USP40: variants seen among roughly 807,000 people sequenced by gnomAD.
USP40 encodes ubiquitin carboxyl-terminal hydrolase 40.
Under a neutral mutation model 166.2 loss-of-function variants are expected in USP40, and 143 were observed. That is an observed-to-expected ratio of 0.86 (90% CI 0.75 to 0.99). The LOEUF (loss-of-function observed/expected upper bound fraction) is 0.99, where lower values mean the gene tolerates loss of function less well. Ranked by LOEUF, USP40 falls within the 50% of genes least tolerant of loss-of-function variation. USP40 has a pLI of 0.00. For missense variants in USP40, 1,444 were observed against 1,479.7 expected (o/e 0.98, Z 0.40); for synonymous variants, 498 against 524.0 (o/e 0.95, Z 0.68).
Position 233,540,744 on chromosome 2 carries a change from T to C in USP40, c.1088A>G (p.Asp363Gly). Residue 363 changes from aspartate to glycine, a missense_variant, in exon 10 of 32, where the codon GAT becomes GGT. Transcript: ENST00000678225. Reference sequence around the variant, plus strand: ...TTTCAAAAGTTTCTGGCCCAGCTGATCAACAGGAATTAGATTATTCTCCTC... The same window carrying C: ...TTTCAAAAGTTTCTGGCCCAGCTGACCAACAGGAATTAGATTATTCTCCTC... The part of the protein sequence containing the change: ...LEEENNLIPV[D>G]QLGQKLLKKI... 6.2e-7 allele frequency: 1 copy of C among 1,613,410 alleles called. No homozygotes were observed. The highest frequency in any genetic ancestry group is 8.5e-7 in the Non-Finnish European group (1 of 1,179,574).
chr2:233,528,376 G>GA (rs2068222302), intron 12 of USP40, among the ~76,000 whole-genome samples: 2 of 152,108 alleles, frequency 1.3e-5, no homozygotes, highest in Admixed American at 1.3e-4. Context: ...GCTCTTCTCT[G>GA]AATCCACTTG....
At chr2:233,533,455 A>C (rs1575306331) in intron 11 of USP40, 24 bp downstream of exon 11, 2 of 1,595,504 alleles carry the variant, frequency 1.3e-6, no homozygotes, top group East Asian at 4.5e-5. Context: ...ACTGAAACAA[A>C]TAGGAACATT....
At position 233,549,229 on chromosome 2, in the gene USP40, T is replaced by G; in HGVS notation, c.838A>C (p.Ser280Arg). 7.2e-7 allele frequency: 1 copy of G among 1,390,928 alleles called. No individual in the cohort carries two copies. The highest frequency in any genetic ancestry group is 9.7e-7 in the Non-Finnish European group (1 of 1,026,008). The allele number at this position is 1,390,928 out of a possible 1,614,324, so 86.2% of individuals were successfully genotyped here. A position where few individuals can be genotyped will look rare whatever the true frequency, so the allele number is the denominator to read the frequency against. The change falls in exon 8 of 32, where the codon AGT becomes CGT. Residue 280 changes from serine to arginine, a missense_variant and splice_region_variant. By Grantham distance (110) the Ser-to-Arg change is moderately radical. Transcript: ENST00000678225. ...ATATATTCTAAGTCATCCAATTCAC[T>G]CTAAAAGAAAAAAGAACAAAAATAT... ...RINLKPFCEQ[S>R]ELDDLEYIYD...
At chr2:233,522,955 TCAC>T (rs968861521) in intron 16 of USP40, among the ~76,000 whole-genome samples, 1 of 152,240 alleles carries the variant, frequency 6.6e-6, no homozygotes, top group Non-Finnish European at 1.5e-5. Flanking sequence ...TATTATTTTC[TCAC>T]CACATTTACC....
chr2:233,481,196 C>T lies in USP40; in HGVS notation c.3599+7G>A. The T allele has an allele frequency of 1.3e-6, 2 of 1,597,496 alleles. No individual in the cohort carries two copies. The highest frequency in any genetic ancestry group is 1.7e-4 in the Middle Eastern group (1 of 6,038). On this transcript the variant is annotated splice_region_variant and intron_variant, in intron 31 of 31. Coordinates refer to ENST00000678225, the MANE Select transcript of USP40 (RefSeq NM_001365479.2). ...AGCTGCACATCTGTGCAGACCCCAG[C>T]AATTACCTTTTCCTTCTCCCCAGGG...
At chr2:233,517,173 G>A (rs6431482) in intron 18 of USP40, among the ~76,000 whole-genome samples, 2,777 of 152,180 alleles carry the variant, frequency 0.018, 82 homozygotes, top group African/African-American at 0.063. Flanking sequence ...TCAGTAGAAT[G>A]GCCATGTTGG....
At chr2:233,529,814 C>CTTTTTCTTTTTCTTTTTT (rs776660309) in intron 11 of USP40, among the ~76,000 whole-genome samples, 8 of 133,948 alleles carry the variant, frequency 6.0e-5, no homozygotes, top group African/African-American at 2.0e-4. Context: ...TTTTCTTTTT[C>CTTTTTCTTTTTCTTTTTT]TTTTTTTTTT....
chr2:233,486,028 C>G lies in USP40; in HGVS notation c.3198-51G>C. On this transcript the variant is annotated intron_variant, in intron 28 of 31. Transcript: ENST00000678225. The surrounding 1 kb of genome is among the most constrained non-coding windows in gnomAD (Gnocchi z 4.0). ...AGATCCAAACAAACAAACAAAACCA[C>G]GTGGTAACTTGAGGCATAATGGGCA... The G allele has an allele frequency of 6.6e-7, 1 of 1,520,322 alleles. No individual in the cohort carries two copies. The highest frequency in any genetic ancestry group is 8.8e-7 in the Non-Finnish European group (1 of 1,137,776). 94.2% of individuals were successfully genotyped at this position (1,520,322 alleles called of 1,614,324 possible).
Position 233,507,284 on chromosome 2 carries a change from CAT to C in USP40, c.2613+2763_2613+2764del, listed in dbSNP as rs1240215217. Among the ~76,000 whole-genome samples, 6 of 152,248 alleles carry C rather than the reference CAT, an allele frequency of 3.9e-5. No individual in the cohort carries two copies. The East Asian group carries it at 1.2e-3, about 29-fold the overall frequency. On this transcript the variant is annotated intron_variant, in intron 21 of 31. Transcript: ENST00000678225. ...TACAGATGTTCCTCACAAAAATAAACATAGAACTATCATGTGATTCACCAATC... is the reference window on the plus strand; with the variant it reads ...TACAGATGTTCCTCACAAAAATAAACAGAACTATCATGTGATTCACCAATC...
intron 5 of USP40, 140 bp downstream of exon 5, chr2:233,556,715 G>A: frequency 1.4e-6 from 1 of 695,760 alleles, no homozygotes; most frequent in South Asian, 3.5e-5. Flanking sequence ...TGATTTAGGT[G>A]TAGTTAGAAG....
intron 4 of USP40, among the ~76,000 whole-genome samples, chr2:233,559,056 T>TGACAG (rs2071347886): frequency 6.6e-6 from 1 of 152,238 alleles, no homozygotes; most frequent in Admixed American, 6.5e-5. Flanking sequence ...TATACCTGTC[T>TGACAG]TTGCAGGATT....
Position 233,533,496 on chromosome 2 carries a change from A to G in USP40, c.1454T>C (p.Leu485Ser), listed in dbSNP as rs776609741. 4.3e-6 allele frequency: 7 copies of G among 1,613,506 alleles called. No individual in the cohort carries two copies. Among genetic ancestry groups the G allele is most frequent in the Non-Finnish European group, 5.9e-6 (7 of 1,179,530 alleles). The change falls in exon 11 of 32, where the codon TTG becomes TCG. Residue 485 changes from leucine (L) to serine (S), a missense_variant. By Grantham distance (145) the Leu-to-Ser change is moderately radical. Transcript: ENST00000678225. ...TTCCATACCTTCAGGGGGTCTCTGC[A>G]ACTGGGATTTCCGATAAAACAACAT... is the stretch of plus-strand genomic sequence containing the variant. ...AYMLFYRKSQLQRPPEARANP... is the reference protein window; with the variant it reads ...AYMLFYRKSQSQRPPEARANP...
At chr2:233,547,626 G>A (rs888793213) in intron 8 of USP40, among the ~76,000 whole-genome samples, 1 of 152,178 alleles carries the variant, frequency 6.6e-6, no homozygotes, top group Non-Finnish European at 1.5e-5. Context: ...ACTGTGTCTG[G>A]GGTTGATGTG....
intron 23 of USP40, 102 bp from the exon 24 acceptor site, chr2:233,496,934 A>C: frequency 2.6e-6 from 2 of 777,336 alleles, no homozygotes; most frequent in South Asian, 3.7e-5. Context: ...TCAAAAATTA[A>C]ATGAATAATA....
rs186606579 is a variant in USP40 at position 233,529,483 on chromosome 2, A to G, written c.1501T>C (p.Cys501Arg). 85 of 1,585,486 alleles carry G rather than the reference A, an allele frequency of 5.4e-5. No individual in the cohort carries two copies. The African/African-American group carries it at 9.8e-4, about 18-fold the overall frequency. Reference protein sequence around the residue: ...ARANPRYGVPCHLLNEMDAAN... With the variant: ...ARANPRYGVPRHLLNEMDAAN... ...GCATCCATTTCATTCAGTAAATGACATGGAACCCCATATCTTGGATTAGCT... is the reference window on the plus strand; with the variant it reads ...GCATCCATTTCATTCAGTAAATGACGTGGAACCCCATATCTTGGATTAGCT... Residue 501 changes from cysteine to arginine, a missense_variant, in exon 12 of 32, where the codon TGT becomes CGT. Cys to Arg is a radical substitution (Grantham distance 180). Transcript: ENST00000678225.
At position 233,523,463 on chromosome 2, in the gene USP40, A is replaced by T. The variant is rs374074241; in HGVS notation, c.1908T>A (p.Gly636=). The part of the protein sequence containing the change: ...VEVGGVHIQT[G]IDCEPLLLNV... ...TTAAAAGTAGAGGTTCGCAGTCAATACCAGTTTGAATGTGGACTCCACCAA... is the reference window on the plus strand; with the variant it reads ...TTAAAAGTAGAGGTTCGCAGTCAATTCCAGTTTGAATGTGGACTCCACCAA... The change falls in exon 16 of 32, where the codon GGT becomes GGA. Residue 636 remains glycine (G), a synonymous_variant. Transcript: ENST00000678225. The T allele has an allele frequency of 1.4e-5, 23 of 1,613,642 alleles. No individual in the cohort carries two copies. The highest frequency in any genetic ancestry group is 1.7e-5 in the Non-Finnish European group (20 of 1,179,736).
chr2:233,511,201 T>G (rs980497211), intron 20 of USP40, among the ~76,000 whole-genome samples: 4 of 152,150 alleles, frequency 2.6e-5, no homozygotes, highest in Non-Finnish European at 5.9e-5. Flanking sequence ...ATACTGAAAA[T>G]GGACACTGTT....
chr2:233,556,986 G>C lies in USP40; in HGVS notation c.415C>G (p.Arg139Gly). 5 of 1,613,592 alleles carry C rather than the reference G, an allele frequency of 3.1e-6. No individual in the cohort carries two copies. Among genetic ancestry groups the C allele is most frequent in the Non-Finnish European group, 4.2e-6 (5 of 1,179,752 alleles). ...GTTTCCAAAGCGCTGAAGAGGATTCGATTCAGTTCCTGCACATCATGTTGC... is the reference window on the plus strand; with the variant it reads ...GTTTCCAAAGCGCTGAAGAGGATTCCATTCAGTTCCTGCACATCATGTTGC... ...MRQHDVQELN[R>G]ILFSALETSL... The change falls in exon 5 of 32, where the codon CGA becomes GGA. Residue 139 changes from arginine (R) to glycine (G), a missense_variant. Coordinates refer to ENST00000678225, the MANE Select transcript of USP40 (RefSeq NM_001365479.2).
intron 10 of USP40, among the ~76,000 whole-genome samples, chr2:233,536,354 T>C (rs754618929): frequency 6.6e-6 from 1 of 151,944 alleles, no homozygotes; most frequent in African/African-American, 2.4e-5. Context: ...AACAGAAGAG[T>C]GGCTCAGTGG....
Sources: gnomAD v4.1 joint callset for allele counts (sites outside exome capture counted in the v4.1 genomes callset) on GRCh38, gnomAD v4.1.1 for gene constraint, Gnocchi (gnomAD v3.1) non-coding constraint, MANE v1.5 for transcripts, NCBI Gene and HGNC (gene_info 2026-07-23, HGNC 2026-07-21) for gene names.